Variants in TNKS observed in about 807,000 individuals in gnomAD.
TNKS encodes tankyrase, also known as poly [ADP-ribose] polymerase tankyrase-1.
In TNKS, 72 loss-of-function variants were observed where a neutral mutation model predicts 135.8. That is an observed-to-expected ratio of 0.53 (90% CI 0.44 to 0.64). The LOEUF is 0.64. Ranked by LOEUF, TNKS falls within the 30% of genes least tolerant of loss-of-function variation. The pLI is 0.00. For synonymous variants in TNKS, 849 were observed against 649.3 expected (o/e 1.31, Z -4.68); for missense variants, 1,769 against 1,674.0 (o/e 1.06, Z -0.99).
intron 17 of TNKS, chr8:9,741,215 A>T (rs1448383041): frequency 6.5e-6 from 1 of 152,892 alleles, no homozygotes; most frequent in Non-Finnish European, 1.5e-5. Context: ...ATGGTTTTCT[A>T]CTAATCCTTT....
intron 1 of TNKS, among the ~76,000 whole-genome samples, chr8:9,559,344 G>A (rs1179509508): frequency 6.6e-6 from 1 of 152,106 alleles, no homozygotes; most frequent in Non-Finnish European, 1.5e-5. Flanking sequence ...GTGAGCCCAA[G>A]CTAGCCAAGC....
At chr8:9,771,511 G>A (rs1284071124) in intron 26 of TNKS, among the ~76,000 whole-genome samples, 20 of 140,850 alleles carry the variant, frequency 1.4e-4, no homozygotes, top group African/African-American at 4.5e-4. Flanking sequence ...AGGAAAGAAC[G>A]GGAGAGAGAG....
At chr8:9,627,088 T>A (rs1269225212) in intron 3 of TNKS, among the ~76,000 whole-genome samples, 2 of 152,116 alleles carry the variant, frequency 1.3e-5, no homozygotes, top group African/African-American at 2.4e-5. Context: ...AGTAGTTTAA[T>A]CAGTTGTGCC....
chr8:9,608,483 C>T (rs1387912891), intron 2 of TNKS, among the ~76,000 whole-genome samples: 2 of 151,806 alleles, frequency 1.3e-5, no homozygotes, highest in East Asian at 1.9e-4. Flanking sequence ...ATTGCAATTT[C>T]TTTCAGCACT....
At chr8:9,752,724 T>G in intron 20 of TNKS, 98 bp downstream of exon 20, 1 of 765,352 alleles carries the variant, frequency 1.3e-6, no homozygotes, top group Non-Finnish European at 2.0e-6. Context: ...TTGGAATGCT[T>G]CGGCAGGATT....
At chr8:9,625,617 T>A (rs1800027286) in intron 3 of TNKS, among the ~76,000 whole-genome samples, 1 of 152,188 alleles carries the variant, frequency 6.6e-6, no homozygotes, top group East Asian at 1.9e-4. Flanking sequence ...TGTATGTTTT[T>A]AAATTTCTCT....
chr8:9,578,128 G>C (rs539556555), intron 1 of TNKS, among the ~76,000 whole-genome samples: 130 of 152,286 alleles, frequency 8.5e-4, no homozygotes, highest in African/African-American at 2.9e-3. Flanking sequence ...CACCCCTGTG[G>C]CTTTGCAGGA....
chr8:9,664,806 C>G (rs905125780), intron 3 of TNKS, among the ~76,000 whole-genome samples: 3 of 152,144 alleles, frequency 2.0e-5, no homozygotes, highest in African/African-American at 7.2e-5. Context: ...ACGTTCATGA[C>G]TCTAGAAGAG....
chr8:9,626,691 A>C (rs1157211607), intron 3 of TNKS, among the ~76,000 whole-genome samples: 1 of 152,118 alleles, frequency 6.6e-6, no homozygotes, highest in Non-Finnish European at 1.5e-5. Context: ...GGACACTGCC[A>C]CCTTACAGTC....
intron 3 of TNKS, among the ~76,000 whole-genome samples, chr8:9,626,700 T>G (rs2128769761): frequency 6.6e-6 from 1 of 152,238 alleles, no homozygotes; most frequent in South Asian, 2.1e-4. Flanking sequence ...CACCTTACAG[T>G]CAGTTGTGGG....
intron 1 of TNKS, chr8:9,556,851 C>T (rs552323276): frequency 1.7e-6 from 1 of 586,164 alleles, no homozygotes; most frequent in African/African-American, 1.9e-5. Flanking sequence ...CATTACAAAA[C>T]TCACTGTAGT....
chr8:9,686,865 G>C (rs1459812535), intron 5 of TNKS, among the ~76,000 whole-genome samples: 1 of 86,704 alleles, frequency 1.2e-5, no homozygotes, highest in African/African-American at 4.1e-5. Context: ...AATTTTTTTA[G>C]CCTAAAAAAA....
At chr8:9,669,459 A>C (rs938267276) in intron 3 of TNKS, among the ~76,000 whole-genome samples, 1 of 152,038 alleles carries the variant, frequency 6.6e-6, no homozygotes, top group Admixed American at 6.6e-5. Flanking sequence ...GGAAAAAAGA[A>C]AGTAGGGACA....
Position 9,578,674 on chromosome 8 carries a change from ATTTG to A in TNKS, c.674-1481_674-1478del, listed in dbSNP as rs553432052. On this transcript the variant is annotated intron_variant, in intron 1 of 26. Coordinates refer to ENST00000310430, the MANE Select transcript of TNKS (RefSeq NM_003747.3). ...CCTTACTCTTTTCCACATGGTTTTT[ATTTG>A]TTTAACATATGCCCAAAATAAAGGA... Among the ~76,000 whole-genome samples the A allele has an allele frequency of 4.1e-3, 624 of 152,142 alleles. 2 individuals are homozygous for A. The highest frequency in any genetic ancestry group is 6.8e-3 in the Non-Finnish European group (460 of 67,958).
At position 9,778,375 on chromosome 8, in the gene TNKS, C is replaced by T. The variant is rs1356540378; in HGVS notation, c.*1639C>T. ...TGCAAGGTGATTAAGCTGTGACCTC[C>T]TTTAATCTCCTGAAGCAAAATAAAA... On this transcript the variant is annotated 3_prime_UTR_variant, in exon 27 of 27. Transcript: ENST00000310430. The T allele has an allele frequency of 2.0e-5, 3 of 152,470 alleles. No homozygotes were observed. Among genetic ancestry groups the T allele is most frequent in the Admixed American group, 1.3e-4 (2 of 15,280 alleles). The allele number at this position is 152,470 out of a possible 1,614,324, so 9.4% of individuals were successfully genotyped here. A position where few individuals can be genotyped will look rare whatever the true frequency, so the allele number is the denominator to read the frequency against.
At position 9,779,651 on chromosome 8, in the gene TNKS, C is replaced by T. The variant is rs1215709840; in HGVS notation, c.*2915C>T. The T allele has an allele frequency of 6.6e-6, 1 of 152,190 alleles. No homozygotes were observed. The highest frequency in any genetic ancestry group is 2.4e-5 in the African/African-American group (1 of 41,442). The allele number at this position is 152,190 out of a possible 1,614,324, so 9.4% of individuals were successfully genotyped here. On this transcript the variant is annotated 3_prime_UTR_variant, in exon 27 of 27. Coordinates refer to ENST00000310430, the MANE Select transcript of TNKS (RefSeq NM_003747.3). ...TTAGCTCCAGCAATGACCTTTGACT[C>T]CATTCATTTTCTCCTCATCTTGGGT...
chr8:9,605,159 G>C (rs892324026), intron 2 of TNKS, among the ~76,000 whole-genome samples: 1 of 151,914 alleles, frequency 6.6e-6, no homozygotes, highest in Admixed American at 6.6e-5. Flanking sequence ...AAGTTGTCTG[G>C]TGCCCATCTG....
chr8:9,767,950 C>G (rs976649091), intron 25 of TNKS, among the ~76,000 whole-genome samples: 6 of 139,656 alleles, frequency 4.3e-5, no homozygotes, highest in African/African-American at 8.2e-5. Context: ...CAGAGAGAGA[C>G]TCCGTCTCAA....
chr8:9,714,787 G>A (rs981716648), intron 11 of TNKS, among the ~76,000 whole-genome samples: 3 of 152,186 alleles, frequency 2.0e-5, no homozygotes, highest in African/African-American at 7.2e-5. Context: ...GAAAGCTACA[G>A]AGAAACACTG....
Sources: gnomAD v4.1 joint callset for allele counts (sites outside exome capture counted in the v4.1 genomes callset) on GRCh38, gnomAD v4.1.1 for gene constraint, MANE v1.5 for transcripts, NCBI Gene and HGNC (gene_info 2026-07-23, HGNC 2026-07-21) for gene names.